Variants in MET observed in about 807,000 individuals in gnomAD.
MET encodes MET proto-oncogene, receptor tyrosine kinase, also known as hepatocyte growth factor receptor.
A neutral mutation model predicts 133.1 loss-of-function variants in MET; 48 were observed. That is an observed-to-expected ratio of 0.36 (90% CI 0.29 to 0.46). The LOEUF is 0.46. Ranked by LOEUF, MET falls within the 20% of genes least tolerant of loss-of-function variation. The probability of loss-of-function intolerance (pLI) is 1.00; values close to 1 mark genes in which losing one functional copy is unlikely to be tolerated. For missense variants in MET, 1,442 were observed against 1,695.9 expected, an observed-to-expected ratio of 0.85 and a Z score of 2.63; for synonymous variants, 628 against 616.5, an observed-to-expected ratio of 1.02 and a Z score of -0.28.
intron 2 of MET, among the ~76,000 whole-genome samples, chr7:116,729,648 A>G (rs903568106): frequency 6.6e-6 from 1 of 152,174 alleles, no homozygotes; most frequent in African/African-American, 2.4e-5. Context: ...CTTTTCTTCC[A>G]AGGTATACAT....
chr7:116,741,863 G>A (rs767177456), intron 5 of MET, among the ~76,000 whole-genome samples: 2 of 152,240 alleles, frequency 1.3e-5, no homozygotes, highest in African/African-American at 4.8e-5. Flanking sequence ...ATCTCTTGCT[G>A]ATAGAGAACT....
At chr7:116,791,088 T>C (rs1795477057) in intron 19 of MET, among the ~76,000 whole-genome samples, 1 of 152,106 alleles carries the variant, frequency 6.6e-6, no homozygotes, top group East Asian at 1.9e-4. Context: ...AAAATAATAA[T>C]AATAAAGAAC....
At chr7:116,722,850 C>T (rs1278990580) in intron 2 of MET, among the ~76,000 whole-genome samples, 17 of 151,676 alleles carry the variant, frequency 1.1e-4, no homozygotes, top group South Asian at 1.0e-3. Flanking sequence ...CCAAGAGATC[C>T]GCTGTTAGTC....
chr7:116,796,652 T>C lies in MET; in HGVS notation c.*528T>C, dbSNP rs1303903534. On this transcript the variant is annotated 3_prime_UTR_variant, in exon 21 of 21. Coordinates refer to ENST00000397752, the MANE Select transcript of MET (RefSeq NM_000245.4). ...TCCCTTTTAAATGTTTGTTTGTTTTTTGAGACAGGATCTCACTCTGTTGCC... is the reference window on the plus strand; with the variant it reads ...TCCCTTTTAAATGTTTGTTTGTTTTCTGAGACAGGATCTCACTCTGTTGCC... 1 of 262,718 alleles carries C rather than the reference T, an allele frequency of 3.8e-6. No individual in the cohort carries two copies. The highest frequency in any genetic ancestry group is 7.4e-6 in the Non-Finnish European group (1 of 135,200). 16.3% of individuals were successfully genotyped at this position (262,718 alleles called of 1,614,324 possible).
At chr7:116,790,928 A>C (rs1366758311) in intron 19 of MET, among the ~76,000 whole-genome samples, 2 of 152,148 alleles carry the variant, frequency 1.3e-5, no homozygotes, top group Non-Finnish European at 2.9e-5. Context: ...AATACAAAAA[A>C]TTAGCCGGGA....
intron 10 of MET, among the ~76,000 whole-genome samples, chr7:116,761,269 T>G (rs1288941934): frequency 6.6e-6 from 1 of 152,208 alleles, no homozygotes; most frequent in African/African-American, 2.4e-5. Flanking sequence ...AAACTTCTGT[T>G]GTTTTAGTGA....
chr7:116,757,241 T>C lies in MET; in HGVS notation c.1863-196T>C, dbSNP rs984959449. ...GAGCAAGATCCTGTCTCTTTTTACA[T>C]AAAAATAAAAGTTAAGTTTATCATA... On this transcript the variant is annotated intron_variant, in intron 6 of 20. Transcript: ENST00000397752. 6.6e-5 allele frequency among the ~76,000 whole-genome samples: 10 copies of C among 152,078 alleles called. No individual in the cohort carries two copies. In the East Asian group the frequency reaches 1.9e-3, roughly 29 times the overall value.
chr7:116,781,866 T>G (rs1321617672), intron 17 of MET, 122 bp from the exon 18 acceptor site: 2 of 740,390 alleles, frequency 2.7e-6, no homozygotes, highest in Non-Finnish European at 4.6e-6. Flanking sequence ...GCTTGAGCCA[T>G]TAAGACCAAA....
intron 15 of MET, among the ~76,000 whole-genome samples, chr7:116,776,891 G>A (rs965865729): frequency 1.3e-5 from 2 of 152,116 alleles, no homozygotes; most frequent in Admixed American, 1.3e-4. Context: ...GTGACTAATG[G>A]GGAAATCCTT....
rs774817618 is a variant in MET at position 116,783,322 on chromosome 7, A to C, written c.3651A>C (p.Thr1217=). The change falls in exon 19 of 21, where the codon ACA becomes ACC. Residue 1217 remains threonine (T), a synonymous_variant. Transcript: ENST00000397752. ...TCTGTAGGCTGGATGAAAAATTCAC[A>C]GTCAAGGTTGCTGATTTTGGTCTTG... ...ARNCMLDEKF[T]VKVADFGLAR... is the part of the protein sequence containing the mutation. The C allele has an allele frequency of 6.2e-7, 1 of 1,614,150 alleles. No homozygotes were observed. Among genetic ancestry groups the C allele is most frequent in the Admixed American group, 1.7e-5 (1 of 60,032 alleles).
At position 116,752,838 on chromosome 7, in the gene MET, CCAA is replaced by C. The variant is rs563045022; in HGVS notation, c.1702-2514_1702-2512del. ...ACGGGATGTAGGCAGTGGGATCAGG[CCAA>C]CATCAGCCTTGGGCAGCGTTTTCAG... is the stretch of plus-strand genomic sequence containing the variant. On this transcript the variant is annotated intron_variant, in intron 5 of 20. Coordinates refer to ENST00000397752, the MANE Select transcript of MET (RefSeq NM_000245.4). Among the ~76,000 whole-genome samples, 13 of 152,258 alleles carry C rather than the reference CCAA, an allele frequency of 8.5e-5. No individual in the cohort carries two copies. In the East Asian group the frequency reaches 2.5e-3, roughly 29 times the overall value.
At chr7:116,766,329 A>T (rs919542193) in intron 11 of MET, among the ~76,000 whole-genome samples, 2 of 152,220 alleles carry the variant, frequency 1.3e-5, no homozygotes, top group East Asian at 3.8e-4. Flanking sequence ...CAAACAGGAA[A>T]AAGAAGCACA....
At chr7:116,768,509 G>T (rs112333710) in intron 11 of MET, among the ~76,000 whole-genome samples, 1 of 152,050 alleles carries the variant, frequency 6.6e-6, no homozygotes, top group Non-Finnish European at 1.5e-5. Context: ...ATAAGGATAG[G>T]GTTTGTCTAT....
chr7:116,679,115 T>C (rs1796260436), intron 1 of MET, among the ~76,000 whole-genome samples: 1 of 152,196 alleles, frequency 6.6e-6, no homozygotes, highest in African/African-American at 2.4e-5. Context: ...TTTTGACACA[T>C]TTCCTCTCTG....
intron 2 of MET, among the ~76,000 whole-genome samples, chr7:116,709,150 A>G (rs1791902719): frequency 6.6e-6 from 1 of 152,130 alleles, no homozygotes; most frequent in Admixed American, 6.6e-5. Context: ...TGCCATCTTT[A>G]TATTGTTCCG....
In MET at chr7:116,763,275, A is replaced by T. The variant is rs756403758; in HGVS notation, c.2583+7A>T. On this transcript the variant is annotated splice_region_variant and intron_variant, in intron 11 of 20. Transcript: ENST00000397752. ...AAATGTACTGGAAATTAAGGTAAGA[A>T]ATGCTTTAAACACTGTCTTAAATCA... 10 of 1,610,892 alleles carry T rather than the reference A, an allele frequency of 6.2e-6. No homozygotes were observed. Among genetic ancestry groups the T allele is most frequent in the Non-Finnish European group, 8.5e-6 (10 of 1,177,400 alleles).
In MET at chr7:116,750,579, A is replaced by T. The variant is rs181692338; in HGVS notation, c.1702-4776A>T. ...AATGGCAACAAAAGTCTAAATTGAC[A>T]AATGGGATCTAATTAAAGAGCTTCT... On this transcript the variant is annotated intron_variant, in intron 5 of 20. Transcript: ENST00000397752. Among the ~76,000 whole-genome samples the T allele has an allele frequency of 5.8e-4, 89 of 152,378 alleles. 1 individual carries two copies. The highest frequency in any genetic ancestry group is 2.0e-3 in the African/African-American group (84 of 41,590).
rs149889921 is a variant in MET at position 116,779,285 on chromosome 7, G to A, written c.3522+328G>A. 2.9e-4 allele frequency among the ~76,000 whole-genome samples: 44 copies of A among 152,314 alleles called. No individual in the cohort carries two copies. In the East Asian group the frequency reaches 7.3e-3, roughly 25 times the overall value. Reference sequence around the variant, plus strand: ...AGAAGTGGAAGCAGAGCAAGCCTCAGCCCATATGGAATGTTAACTCTACAA... The same window carrying A: ...AGAAGTGGAAGCAGAGCAAGCCTCAACCCATATGGAATGTTAACTCTACAA... On this transcript the variant is annotated intron_variant, in intron 17 of 20. Transcript: ENST00000397752.
At chr7:116,775,155 T>G (rs1377872978) in intron 15 of MET, 44 bp downstream of exon 15, 1 of 1,584,248 alleles carries the variant, frequency 6.3e-7, no homozygotes, top group Non-Finnish European at 8.7e-7. Context: ...GATTTTCCAG[T>G]AAGCATTTTA....
Sources: allele counts gnomAD v4.1 joint callset (sites outside exome capture counted in the v4.1 genomes callset), GRCh38; gene constraint gnomAD v4.1.1; transcripts MANE v1.5; gene names NCBI Gene and HGNC (gene_info 2026-07-23, HGNC 2026-07-21).